PCSK5: variants seen among roughly 807,000 people sequenced by gnomAD.
The protein encoded by PCSK5 is proprotein convertase subtilisin/kexin type 5, also known as prohormone convertase 5.
In PCSK5, 129 loss-of-function variants were observed where a neutral mutation model predicts 233.2. The observed-to-expected ratio is 0.55, with a 90% CI of 0.48 to 0.64. PCSK5 has a LOEUF of 0.64. Ranked by LOEUF, PCSK5 falls within the 30% of genes least tolerant of loss-of-function variation. The pLI, the probability that PCSK5 is intolerant of heterozygous loss-of-function variation, is 0.00. For missense variants in PCSK5, 2,076 were observed against 2,430.1 expected (o/e 0.85, Z 3.06); for synonymous variants, 825 against 879.2 (o/e 0.94, Z 1.09).
intron 14 of PCSK5, 84 bp from the exon 15 acceptor site, chr9:76,179,512 T>A: frequency 2.2e-6 from 2 of 919,154 alleles, no homozygotes; most frequent in Non-Finnish European, 3.4e-6. Flanking sequence ...AAAAAAAAAG[T>A]CTTATTTTTA....
chr9:76,081,825 C>G (rs1463358165), intron 7 of PCSK5, among the ~76,000 whole-genome samples: 2 of 152,082 alleles, frequency 1.3e-5, no homozygotes, highest in Non-Finnish European at 2.9e-5. Flanking sequence ...ATTCCTCATG[C>G]TAGTCATCTA....
intron 1 of PCSK5, among the ~76,000 whole-genome samples, chr9:75,903,627 A>ATATATATTATAT (rs1826150500): frequency 7.0e-6 from 1 of 142,320 alleles, no homozygotes. Flanking sequence ...ATATATATAA[A>ATATATATTATAT]ATAAGTATTT....
intron 24 of PCSK5, among the ~76,000 whole-genome samples, chr9:76,277,929 C>A (rs530760773): frequency 2.1e-4 from 32 of 152,310 alleles, no homozygotes; most frequent in African/African-American, 7.2e-4. Context: ...GACTCTCCTG[C>A]AAATTTGTAC....
intron 1 of PCSK5, among the ~76,000 whole-genome samples, chr9:75,914,471 C>G (rs1456516145): frequency 6.6e-6 from 1 of 151,984 alleles, no homozygotes; most frequent in Non-Finnish European, 1.5e-5. Context: ...TATAAATGAC[C>G]TTTAGGTAGT....
chr9:75,898,338 A>G (rs930603297), intron 1 of PCSK5, among the ~76,000 whole-genome samples: 4 of 152,206 alleles, frequency 2.6e-5, no homozygotes, highest in African/African-American at 7.2e-5. Context: ...GGTAGTGCTA[A>G]TGTCAGCTGT....
intron 1 of PCSK5, among the ~76,000 whole-genome samples, chr9:75,892,126 C>G (rs892542224): frequency 6.6e-6 from 1 of 152,110 alleles, no homozygotes; most frequent in Non-Finnish European, 1.5e-5. Context: ...ACGGAAGGTG[C>G]CGGGCCGGGA....
rs144752251 is a variant in PCSK5, at chr9:76,084,059, C to T, written c.895-11831C>T. Among the ~76,000 whole-genome samples the T allele has an allele frequency of 4.7e-3, 713 of 152,268 alleles. 9 individuals carry two copies. The highest frequency in any genetic ancestry group is 0.017 in the African/African-American group (686 of 41,562). On this transcript the variant is annotated intron_variant, in intron 7 of 37. Coordinates refer to ENST00000674117, the MANE Select transcript of PCSK5 (RefSeq NM_001372043.1). The stretch of plus-strand genomic sequence containing the variant: ...ATTGGTTCCACTTAATGAAAATTGA[C>T]TTTAACTGGGATTTGCTTTAGAAAT...
rs746494166 is a variant in PCSK5, at chr9:76,157,058, T to C, written c.1326T>C (p.Tyr442=). ...NAAGFKVSHL[Y]GFGLMDAEAM... is the part of the protein sequence containing the mutation. ...CGCTTTCCACAGTGAGCCATCTTTA[T>C]GGATTTGGACTGATGGACGCAGAAG... Residue 442 remains tyrosine (Y), a synonymous_variant, in exon 11 of 38, where the codon TAT becomes TAC. Transcript: ENST00000674117. 1 of 1,613,060 alleles carries C rather than the reference T, an allele frequency of 6.2e-7. No homozygotes were observed. The highest frequency in any genetic ancestry group is 8.5e-7 in the Non-Finnish European group (1 of 1,179,102).
chr9:76,278,604 A>G (rs1177148950), intron 24 of PCSK5, among the ~76,000 whole-genome samples: 1 of 152,164 alleles, frequency 6.6e-6, no homozygotes, highest in African/African-American at 2.4e-5. Flanking sequence ...AGAAACATAT[A>G]TATGTATATG....
intron 31 of PCSK5, 65 bp from the exon 32 acceptor site, chr9:76,322,987 C>T (rs55805812): frequency 0.32 from 278,145 of 875,936 alleles, 46,006 homozygotes; most frequent in African/African-American, 0.44. Context: ...AGCTAGCCTA[C>T]TGCAGACAAT....
chr9:76,068,706 T>A (rs1830374988), intron 6 of PCSK5, among the ~76,000 whole-genome samples: 1 of 152,158 alleles, frequency 6.6e-6, no homozygotes, highest in Admixed American at 6.5e-5. Flanking sequence ...CCATTTGTAA[T>A]CATCTTTGTA....
At chr9:76,294,807 T>C (rs960129120) in intron 25 of PCSK5, among the ~76,000 whole-genome samples, 2 of 152,074 alleles carry the variant, frequency 1.3e-5, no homozygotes, top group African/African-American at 4.8e-5. Flanking sequence ...TGACTTGGGT[T>C]GAGGGGTGCA....
intron 37 of PCSK5, among the ~76,000 whole-genome samples, chr9:76,356,874 T>C (rs140002907): frequency 9.2e-5 from 14 of 152,152 alleles, no homozygotes; most frequent in African/African-American, 3.4e-4. Flanking sequence ...GTACCTAGAA[T>C]TGCTCATGAA....
chr9:75,979,008 G>T (rs1027810290), intron 2 of PCSK5, among the ~76,000 whole-genome samples: 1 of 151,866 alleles, frequency 6.6e-6, no homozygotes, highest in Non-Finnish European at 1.5e-5. Context: ...AAGTAGCTGG[G>T]ATTGCCCAGC....
In PCSK5 at chr9:75,945,934, A is replaced by G. The variant is rs140674285; in HGVS notation, c.297+13451A>G. Among the ~76,000 whole-genome samples the G allele has an allele frequency of 4.3e-3, 656 of 152,316 alleles. 4 individuals are homozygous for G. Among genetic ancestry groups the G allele is most frequent in the African/African-American group, 0.015 (610 of 41,568 alleles). On this transcript the variant is annotated intron_variant, in intron 2 of 37. Coordinates refer to ENST00000674117, the MANE Select transcript of PCSK5 (RefSeq NM_001372043.1). Reference sequence around the variant, plus strand: ...TGCCCAATTCCTGTCTGCCTTCAGCATGTTAATTTCCTCTTTGATATCTAT... The same window carrying G: ...TGCCCAATTCCTGTCTGCCTTCAGCGTGTTAATTTCCTCTTTGATATCTAT...
At chr9:76,355,428 G>C (rs966021640) in intron 37 of PCSK5, among the ~76,000 whole-genome samples, 2 of 151,906 alleles carry the variant, frequency 1.3e-5, no homozygotes, top group African/African-American at 2.4e-5. Context: ...AGCCAAGATC[G>C]TGCCACTGCA....
In PCSK5 at chr9:76,029,240, A is replaced by G. The variant is rs77188612; in HGVS notation, c.632+2203A>G. 1.2e-3 allele frequency among the ~76,000 whole-genome samples: 183 copies of G among 152,318 alleles called. 2 individuals carry two copies. The East Asian group carries it at 0.02, about 17-fold the overall frequency. ...GTTTTAATATAGCGTTTAAGCAGAC[A>G]GTGTACTATAAGGTAAATAATGAGT... On this transcript the variant is annotated intron_variant, in intron 5 of 37. Coordinates refer to ENST00000674117, the MANE Select transcript of PCSK5 (RefSeq NM_001372043.1).
intron 3 of PCSK5, among the ~76,000 whole-genome samples, chr9:76,004,939 G>A (rs1827413364): frequency 6.6e-6 from 1 of 152,166 alleles, no homozygotes; most frequent in African/African-American, 2.4e-5. Context: ...TGAGAAGGGT[G>A]TCATTGGTTC....
intron 2 of PCSK5, among the ~76,000 whole-genome samples, chr9:75,981,139 T>C (rs1223849542): frequency 6.6e-6 from 1 of 152,240 alleles, no homozygotes; most frequent in Non-Finnish European, 1.5e-5. Context: ...CCTTTATGAA[T>C]ATTAATCTCG....
Sources: allele counts gnomAD v4.1 joint callset (sites outside exome capture counted in the v4.1 genomes callset), GRCh38; gene constraint gnomAD v4.1.1; transcripts MANE v1.5; gene names NCBI Gene and HGNC (gene_info 2026-07-23, HGNC 2026-07-21).